Variants in SOX6 observed in about 807,000 individuals in gnomAD.
The protein encoded by SOX6 is SRY-box transcription factor 6.
In SOX6, 11 loss-of-function variants were observed where a neutral mutation model predicts 97.8. The ratio of observed to expected loss-of-function variants is 0.11; its 90% CI spans 0.07 to 0.19. The LOEUF is 0.19. Among genes scored for constraint, SOX6 ranks in the 10% least tolerant of loss-of-function variants. The pLI, the probability that SOX6 is intolerant of heterozygous loss-of-function variation, is 1.00. For missense variants in SOX6, 810 were observed against 1,039.5 expected, an observed-to-expected ratio of 0.78 and a Z score of 3.04; for synonymous variants, 360 against 371.4, an observed-to-expected ratio of 0.97 and a Z score of 0.35.
At chr11:16,725,220 G>A (rs1372714308) in intron 2 of SOX6, among the ~76,000 whole-genome samples, 1 of 152,206 alleles carries the variant, frequency 6.6e-6, no homozygotes, top group Non-Finnish European at 1.5e-5. Context: ...CAATATAAGT[G>A]AACCTTAAAA....
chr11:16,208,141 T>C (rs180794653), intron 4 of SOX6, among the ~76,000 whole-genome samples: 234 of 152,342 alleles, frequency 1.5e-3, no homozygotes, highest in Non-Finnish European at 2.6e-3. Context: ...ATCTGATGTT[T>C]TGAATAATTG....
intron 6 of SOX6, among the ~76,000 whole-genome samples, chr11:16,165,468 A>C (rs1489751888): frequency 1.3e-5 from 2 of 152,222 alleles, no homozygotes; most frequent in African/African-American, 2.4e-5. Flanking sequence ...AGAAGTTAAA[A>C]TGCTTAAAAA....
At chr11:16,164,222 A>G (rs913731590) in intron 6 of SOX6, among the ~76,000 whole-genome samples, 2 of 152,070 alleles carry the variant, frequency 1.3e-5, no homozygotes, top group African/African-American at 4.8e-5. Context: ...TCCTGCCTTC[A>G]CTTTCCACAG....
At chr11:16,450,421 A>G (rs996792954) in intron 1 of SOX6, among the ~76,000 whole-genome samples, 4 of 152,244 alleles carry the variant, frequency 2.6e-5, no homozygotes, top group Admixed American at 6.5e-5. Flanking sequence ...AATATGTATT[A>G]TGGATAATGG....
At chr11:16,659,396 T>A (rs1847748797) in intron 3 of SOX6, among the ~76,000 whole-genome samples, 1 of 152,220 alleles carries the variant, frequency 6.6e-6, no homozygotes, top group Admixed American at 6.5e-5. Flanking sequence ...TTTCATTGAT[T>A]TATTTGTCTC....
chr11:16,280,985 A>G (rs1205638750), intron 3 of SOX6, among the ~76,000 whole-genome samples: 1 of 152,104 alleles, frequency 6.6e-6, no homozygotes, highest in Non-Finnish European at 1.5e-5. Context: ...GCAGATCAGT[A>G]CAATTGTCAT....
At chr11:16,177,559 T>C (rs1055600179) in intron 6 of SOX6, among the ~76,000 whole-genome samples, 4 of 151,498 alleles carry the variant, frequency 2.6e-5, no homozygotes, top group African/African-American at 9.7e-5. Context: ...AAGGAAAACA[T>C]TAAATTTATT....
At position 15,973,056 on chromosome 11, in the gene SOX6, A is replaced by G. The variant is rs751717015; in HGVS notation, c.2240T>C (p.Ile747Thr). The change falls in exon 16 of 16, where the codon ATC becomes ACC. Residue 747 changes from isoleucine (I) to threonine (T), a missense_variant. Physicochemically the swap from Ile to Thr is moderately conservative, Grantham distance 89. Around this residue, in one of 9 missense-constraint regions of SOX6, gnomAD observed 122 missense variants for 153.4 expected, o/e 0.80. Transcript: ENST00000683767. ...TGTGVVYPGA[I>T]TMATTTPSPQ... ...CGATGGTGTGGTAGTTGCCATAGTG[A>G]TAGCACCAGGATACACAACACCTGT... is the stretch of plus-strand genomic sequence containing the variant. 6.2e-7 allele frequency: 1 copy of G among 1,614,158 alleles called. No individual in the cohort carries two copies. Among genetic ancestry groups the G allele is most frequent in the East Asian group, 2.2e-5 (1 of 44,874 alleles).
chr11:16,018,879 C>T (rs1422663700), intron 12 of SOX6, among the ~76,000 whole-genome samples: 1 of 151,988 alleles, frequency 6.6e-6, no homozygotes, highest in Non-Finnish European at 1.5e-5. Context: ...TAAACTGGGA[C>T]ACTTAGATCA....
At chr11:16,059,684 A>AT (rs1800637990) in intron 9 of SOX6, among the ~76,000 whole-genome samples, 1 of 152,010 alleles carries the variant, frequency 6.6e-6, no homozygotes, top group Non-Finnish European at 1.5e-5. Context: ...TCTGTATGTA[A>AT]TGACTCAGTG....
At chr11:16,309,862 C>T (rs1256483174) in intron 3 of SOX6, among the ~76,000 whole-genome samples, 1 of 151,960 alleles carries the variant, frequency 6.6e-6, no homozygotes, top group African/African-American at 2.4e-5. Context: ...TAGAAAAATG[C>T]AAAATGCTAA....
intron 12 of SOX6, among the ~76,000 whole-genome samples, chr11:16,025,828 T>A (rs1855201866): frequency 6.6e-6 from 1 of 152,154 alleles, no homozygotes; most frequent in South Asian, 2.1e-4. Flanking sequence ...GCATATTGTA[T>A]CTCCTAAGAG....
intron 4 of SOX6, among the ~76,000 whole-genome samples, chr11:16,578,553 G>A (rs749854049): frequency 1.3e-5 from 2 of 152,076 alleles, no homozygotes; most frequent in African/African-American, 2.4e-5. Flanking sequence ...GTTGCTGTAA[G>A]GCAAAGAGGA....
intron 3 of SOX6, among the ~76,000 whole-genome samples, chr11:16,298,688 CT>C (rs1177804958): frequency 6.6e-6 from 1 of 151,946 alleles, no homozygotes; most frequent in East Asian, 1.9e-4. Context: ...CTTCTTAACT[CT>C]TATATAAAGA....
intron 1 of SOX6, among the ~76,000 whole-genome samples, chr11:16,413,369 G>A (rs1858860854): frequency 6.6e-6 from 1 of 152,044 alleles, no homozygotes; most frequent in Admixed American, 6.5e-5. Context: ...CAGAGCCCTA[G>A]CTACCCATCT....
chr11:16,240,477 G>T (rs534131692), intron 3 of SOX6, among the ~76,000 whole-genome samples: 5 of 151,988 alleles, frequency 3.3e-5, no homozygotes, highest in South Asian at 2.1e-4. Flanking sequence ...ATTTTTATCT[G>T]CCAAATTCTT....
At chr11:16,437,281 T>A (rs538611189) in intron 1 of SOX6, among the ~76,000 whole-genome samples, 341 of 150,464 alleles carry the variant, frequency 2.3e-3, no homozygotes, top group South Asian at 8.2e-3. Context: ...TTTTTTTTTT[T>A]TAAAAAAAAG....
intron 3 of SOX6, among the ~76,000 whole-genome samples, chr11:16,651,081 T>C (rs969932761): frequency 2.6e-5 from 4 of 151,778 alleles, no homozygotes; most frequent in African/African-American, 7.3e-5. Context: ...CATGAAGAAA[T>C]AGAAACTGAA....
intron 4 of SOX6, among the ~76,000 whole-genome samples, chr11:16,603,164 AG>A (rs1017720260): frequency 6.6e-6 from 1 of 152,220 alleles, no homozygotes; most frequent in African/African-American, 2.4e-5. Flanking sequence ...CCTAGAAACA[AG>A]GGGGGAGGAG....
Sources: allele counts gnomAD v4.1 joint callset (sites outside exome capture counted in the v4.1 genomes callset), GRCh38; gene constraint gnomAD v4.1.1; regional missense constraint gnomAD v4.1.1; transcripts MANE v1.5; gene names NCBI Gene and HGNC (gene_info 2026-07-23, HGNC 2026-07-21).